The following BICD1 variants were observed in gnomAD, a reference collection of about 807,000 sequenced individuals.
The protein encoded by BICD1 is protein bicaudal D homolog 1.
A neutral mutation model predicts 92.5 loss-of-function variants in BICD1; 35 were observed. The ratio of observed to expected loss-of-function variants is 0.38; its 90% CI spans 0.29 to 0.50. The LOEUF (loss-of-function observed/expected upper bound fraction) is 0.50, where lower values mean the gene tolerates loss of function less well. Ranked by LOEUF, BICD1 falls within the 20% of genes least tolerant of loss-of-function variation. The pLI is 0.93. For synonymous variants in BICD1, 429 were observed against 465.1 expected, an observed-to-expected ratio of 0.92 and a Z score of 1.00; for missense variants, 950 against 1,189.8, an observed-to-expected ratio of 0.80 and a Z score of 2.97.
chr12:32,340,399 G>A (rs1013291827), intron 8 of BICD1: 3 of 985,238 alleles, frequency 3.0e-6, no homozygotes, highest in African/African-American at 3.5e-5. Flanking sequence ...AGTATTCTGT[G>A]AATCACCAAA....
At chr12:32,371,028 T>TC (rs60079307) in intron 9 of BICD1, among the ~76,000 whole-genome samples, 56,070 of 151,814 alleles carry the variant, frequency 0.37, 10,591 homozygotes, top group East Asian at 0.43. Context: ...TTTAACTTTT[T>TC]TTTTTCCACC....
At chr12:32,364,521 C>A (rs1309729051) in intron 8 of BICD1, among the ~76,000 whole-genome samples, 1 of 152,212 alleles carries the variant, frequency 6.6e-6, no homozygotes, top group Admixed American at 6.5e-5. Context: ...ATTTAGAAGA[C>A]AACTGAGTCA....
At chr12:32,331,284 A>G (rs1937857094) in intron 5 of BICD1, among the ~76,000 whole-genome samples, 2 of 152,166 alleles carry the variant, frequency 1.3e-5, no homozygotes, top group Non-Finnish European at 2.9e-5. Context: ...AAATGACATA[A>G]TCTAGTAGGA....
intron 2 of BICD1, among the ~76,000 whole-genome samples, chr12:32,267,220 G>A (rs1451768181): frequency 2.0e-5 from 3 of 152,124 alleles, no homozygotes; most frequent in South Asian, 2.1e-4. Context: ...CTTATCCCTA[G>A]CCTTTCAAAC....
chr12:32,108,485 G>A (rs3803118), intron 1 of BICD1: 72,323 of 468,626 alleles, frequency 0.15, 6,370 homozygotes, highest in East Asian at 0.28. Context: ...GATTCTTGAG[G>A]CACTATGGGT....
chr12:32,241,383 C>T (rs1272701887), intron 2 of BICD1, among the ~76,000 whole-genome samples: 1 of 152,188 alleles, frequency 6.6e-6, no homozygotes, highest in African/African-American at 2.4e-5. Context: ...ATGCAGTTCT[C>T]TCCCCATGGA....
At chr12:32,218,032 C>T (rs161974) in intron 2 of BICD1, among the ~76,000 whole-genome samples, 47,609 of 152,032 alleles carry the variant, frequency 0.31, 7,815 homozygotes, top group Non-Finnish European at 0.37. Context: ...GATGGATCCT[C>T]TGAAAGCTGC....
At chr12:32,358,053 T>C (rs1020316386) in intron 8 of BICD1, among the ~76,000 whole-genome samples, 1 of 152,118 alleles carries the variant, frequency 6.6e-6, no homozygotes, top group Non-Finnish European at 1.5e-5. Context: ...ATCCTCAGTG[T>C]TCTAATCTGT....
chr12:32,209,580 C>T (rs1163585835), intron 1 of BICD1, among the ~76,000 whole-genome samples: 1 of 152,184 alleles, frequency 6.6e-6, no homozygotes, highest in African/African-American at 2.4e-5. Flanking sequence ...TAAATTATAT[C>T]TGAATATCCT....
intron 1 of BICD1, among the ~76,000 whole-genome samples, chr12:32,204,823 A>G (rs1255030397): frequency 1.3e-5 from 2 of 152,220 alleles, no homozygotes; most frequent in Admixed American, 6.5e-5. Flanking sequence ...GAATGCAGTG[A>G]TACTTGGCAT....
chr12:32,306,253 G>A lies in BICD1; in HGVS notation c.1005+131G>A, dbSNP rs1439967909. On this transcript the variant is annotated intron_variant, in intron 4 of 9. Coordinates refer to ENST00000652176, the MANE Select transcript of BICD1 (RefSeq NM_001714.4). Reference sequence around the variant, plus strand: ...TTTCTTTTCTTCTCTTTTCTTTTCTGTTCTTTTCGAGACAGAGTCTTGCTC... The same window carrying A: ...TTTCTTTTCTTCTCTTTTCTTTTCTATTCTTTTCGAGACAGAGTCTTGCTC... The A allele has an allele frequency of 5.6e-6, 6 of 1,064,250 alleles. No homozygotes were observed. The East Asian group carries it at 1.3e-4, about 23-fold the overall frequency. 65.9% of individuals were successfully genotyped at this position (1,064,250 alleles called of 1,614,324 possible).
At position 32,367,706 on chromosome 12, in the gene BICD1, G is replaced by A; in HGVS notation, c.2801G>A (p.Cys934Tyr). Reference protein sequence around the residue: ...QQPAASVPPQCSQLAGRQDCP... With the variant: ...QQPAASVPPQYSQLAGRQDCP... The stretch of plus-strand genomic sequence containing the variant: ...CCTGCTGCCTCCGTACCGCCACAGT[G>A]CTCACAACTAGCCGGGAGGCAAGAC... Residue 934 changes from cysteine to tyrosine, a missense_variant, in exon 9 of 10, where the codon TGC (cysteine) becomes TAC (tyrosine). By Grantham distance (194) the Cys-to-Tyr change is radical. Transcript: ENST00000652176. The A allele has an allele frequency of 6.2e-7, 1 of 1,614,096 alleles. No individual in the cohort carries two copies. Among genetic ancestry groups the A allele is most frequent in the East Asian group, 2.2e-5 (1 of 44,890 alleles).
chr12:32,251,091 TC>T (rs1296036794), intron 2 of BICD1, among the ~76,000 whole-genome samples: 1 of 152,234 alleles, frequency 6.6e-6, no homozygotes, highest in Non-Finnish European at 1.5e-5. Context: ...ATTTTATTTT[TC>T]TAATGTTTAC....
intron 2 of BICD1, among the ~76,000 whole-genome samples, chr12:32,253,302 A>G (rs896835227): frequency 6.6e-6 from 1 of 152,172 alleles, no homozygotes; most frequent in Non-Finnish European, 1.5e-5. Flanking sequence ...GCTAGTTGCT[A>G]TGCAAGATGC....
intron 4 of BICD1, 46 bp from the exon 5 acceptor site, chr12:32,327,415 T>C (rs1364853458): frequency 1.3e-6 from 2 of 1,541,664 alleles, no homozygotes; most frequent in East Asian, 2.3e-5. Context: ...AGTTCATCAT[T>C]GGTGCTGCCT....
rs375583086 is a variant in BICD1 at position 32,240,765 on chromosome 12, G to C, written c.426+24306G>C. 9.2e-5 allele frequency among the ~76,000 whole-genome samples: 14 copies of C among 152,240 alleles called. No homozygotes were observed. The East Asian group carries it at 2.7e-3, about 29-fold the overall frequency. ...CCTTAAAAATGCATGTTCTACACCA[G>C]TAAGGAAGAAAGAAAATAAGAAAGA... On this transcript the variant is annotated intron_variant, in intron 2 of 9. Transcript: ENST00000652176.
chr12:32,170,254 T>C (rs1228686255), intron 1 of BICD1, among the ~76,000 whole-genome samples: 1 of 152,234 alleles, frequency 6.6e-6, no homozygotes, highest in African/African-American at 2.4e-5. Flanking sequence ...ATTGGAATAT[T>C]TGTTTTCTCT....
At chr12:32,269,124 A>G (rs1947073581) in intron 2 of BICD1, among the ~76,000 whole-genome samples, 1 of 152,200 alleles carries the variant, frequency 6.6e-6, no homozygotes, top group Admixed American at 6.5e-5. Flanking sequence ...TTTGTTGTCA[A>G]TAATGTGCCC....
chr12:32,237,746 A>T (rs79945271), intron 2 of BICD1, among the ~76,000 whole-genome samples: 2,656 of 152,194 alleles, frequency 0.017, 73 homozygotes, highest in African/African-American at 0.061. Flanking sequence ...GAGACCTACC[A>T]CTCAGAAAAA....
Sources: allele counts gnomAD v4.1 joint callset (sites outside exome capture counted in the v4.1 genomes callset), GRCh38; gene constraint gnomAD v4.1.1; transcripts MANE v1.5; gene names NCBI Gene and HGNC (gene_info 2026-07-23, HGNC 2026-07-21).